Variants in MEX3C observed in about 807,000 individuals in gnomAD.
MEX3C encodes RNA-binding E3 ubiquitin-protein ligase MEX3C.
In MEX3C, 15 loss-of-function variants were observed where a neutral mutation model predicts 35.5. That is an observed-to-expected ratio of 0.42 (90% CI 0.28 to 0.65). The LOEUF is 0.65. MEX3C is among the 30% of genes least tolerant of loss of function. MEX3C has a pLI of 0.20. For synonymous variants in MEX3C, 390 were observed against 352.8 expected (o/e 1.11, Z -1.18); for missense variants, 711 against 842.8 (o/e 0.84, Z 1.94).
At chr18:51,182,948 C>A (rs1206776764) in intron 1 of MEX3C, among the ~76,000 whole-genome samples, 1 of 152,182 alleles carries the variant, frequency 6.6e-6, no homozygotes, top group Non-Finnish European at 1.5e-5. Context: ...ACAACATCAC[C>A]TTTAAGGCCA....
intron 1 of MEX3C, among the ~76,000 whole-genome samples, chr18:51,178,796 G>T (rs1424025029): frequency 6.6e-6 from 1 of 150,564 alleles, no homozygotes; most frequent in Non-Finnish European, 1.5e-5. Context: ...GGGGACAGAG[G>T]TTGCAGTGAG....
At position 51,197,536 on chromosome 18, in the gene MEX3C, A is replaced by G. The variant is rs1912849896; in HGVS notation, c.-216T>C. Among the ~76,000 whole-genome samples, 1 of 134,956 alleles carries G rather than the reference A, an allele frequency of 7.4e-6. No homozygotes were observed. The highest frequency in any genetic ancestry group is 2.8e-5 in the African/African-American group (1 of 35,978). 88.5% of individuals were successfully genotyped at this position (134,956 alleles called of 152,430 possible). ...GCAGGGGAAGGAGGCAGAGGTAGGT[A>G]ACTAGGTGGGTGGGTGGGGACGGCG... is the stretch of plus-strand genomic sequence containing the variant. On this transcript the variant is annotated 5_prime_UTR_variant, in exon 1 of 2. Coordinates refer to ENST00000406189, the MANE Select transcript of MEX3C (RefSeq NM_016626.5).
rs1424031966 is a variant in MEX3C, at chr18:51,196,791, G to T, written c.530C>A (p.Ala177Glu). 1.3e-6 allele frequency: 2 copies of T among 1,524,820 alleles called. No homozygotes were observed. The highest frequency in any genetic ancestry group is 2.5e-5 in the East Asian group (1 of 39,550). 94.5% of individuals were successfully genotyped at this position (1,524,820 alleles called of 1,614,324 possible). ...LPAARFDARE[A>E]AAAAAAAGVL... ...CCCCGCCGCCGCCGCCGCGGCCGCCGCCTCCCGGGCATCGAACCTGGCGGC... is the reference window on the plus strand; with the variant it reads ...CCCCGCCGCCGCCGCCGCGGCCGCCTCCTCCCGGGCATCGAACCTGGCGGC... Residue 177 changes from alanine to glutamate, a missense_variant, in exon 1 of 2, where the codon GCG (alanine) becomes GAG (glutamate). Transcript: ENST00000406189.
At position 51,196,764 on chromosome 18, in the gene MEX3C, A is replaced by T. The variant is rs775761855; in HGVS notation, c.557T>A (p.Val186Glu). The change falls in exon 1 of 2, where the codon GTG becomes GAG. Residue 186 changes from valine (V) to glutamate (E), a missense_variant. Coordinates refer to ENST00000406189, the MANE Select transcript of MEX3C (RefSeq NM_016626.5). ...EAAAAAAAAG[V>E]LYGGDDAQGM... Reference sequence around the variant, plus strand: ...CTGGGCATCGTCCCCTCCGTACAGCACCCCCGCCGCCGCCGCCGCGGCCGC... The same window carrying T: ...CTGGGCATCGTCCCCTCCGTACAGCTCCCCCGCCGCCGCCGCCGCGGCCGC... The T allele has an allele frequency of 2.0e-6, 3 of 1,493,950 alleles. No homozygotes were observed. Among genetic ancestry groups the T allele is most frequent in the Non-Finnish European group, 8.9e-7 (1 of 1,120,926 alleles). The allele number at this position is 1,493,950 out of a possible 1,614,324, so 92.5% of individuals were successfully genotyped here.
rs1409392606 is a variant in MEX3C, at chr18:51,197,670, C to T, written c.-350G>A. Among the ~76,000 whole-genome samples the T allele has an allele frequency of 2.6e-5, 4 of 151,086 alleles. No homozygotes were observed. The East Asian group carries it at 7.9e-4, about 30-fold the overall frequency. On this transcript the variant is annotated 5_prime_UTR_variant, in exon 1 of 2. Transcript: ENST00000406189. ...CGGCGGCGGCGGCTACGCCCCACGC[C>T]GCTCTCCGAATGAAGCCGGCGCGCT...
intron 1 of MEX3C, among the ~76,000 whole-genome samples, chr18:51,183,941 C>A (rs1183256106): frequency 6.6e-6 from 1 of 152,110 alleles, no homozygotes; most frequent in African/African-American, 2.4e-5. Flanking sequence ...GTCATGGCTG[C>A]AGTGGGTTAT....
chr18:51,191,197 T>C (rs953075197), intron 1 of MEX3C, among the ~76,000 whole-genome samples: 16 of 152,168 alleles, frequency 1.1e-4, no homozygotes, highest in Non-Finnish European at 2.4e-4. Context: ...ATGGCTCTCC[T>C]TGTGGGCACA....
chr18:51,192,910 G>T (rs577794917), intron 1 of MEX3C: 68 of 152,244 alleles, frequency 4.5e-4, no homozygotes, highest in African/African-American at 1.6e-3. Flanking sequence ...CTGTGCTGTA[G>T]CATCATTCTG....
intron 1 of MEX3C, among the ~76,000 whole-genome samples, chr18:51,182,904 T>C (rs1912460517): frequency 6.6e-6 from 1 of 152,260 alleles, no homozygotes; most frequent in Non-Finnish European, 1.5e-5. Flanking sequence ...AATAAAATGT[T>C]CTTTTTCCTG....
chr18:51,184,156 G>A (rs1912485959), intron 1 of MEX3C, among the ~76,000 whole-genome samples: 1 of 152,146 alleles, frequency 6.6e-6, no homozygotes, highest in Admixed American at 6.5e-5. Context: ...GGAGCTGTGA[G>A]CTAGAAGGAA....
intron 1 of MEX3C, chr18:51,193,411 C>T (rs547140462): frequency 6.6e-6 from 1 of 152,238 alleles, no homozygotes; most frequent in East Asian, 1.9e-4. Context: ...GTATACAGTT[C>T]TATTTTAATT....
At chr18:51,178,582 AG>A (rs1912353490) in intron 1 of MEX3C, among the ~76,000 whole-genome samples, 1 of 152,124 alleles carries the variant, frequency 6.6e-6, no homozygotes, top group African/African-American at 2.4e-5. Context: ...AAAATAAAGA[AG>A]CTAGGTGCTG....
At chr18:51,189,942 T>G (rs970540096) in intron 1 of MEX3C, among the ~76,000 whole-genome samples, 3 of 152,166 alleles carry the variant, frequency 2.0e-5, no homozygotes, top group Non-Finnish European at 2.9e-5. Flanking sequence ...AAATGACATT[T>G]TTTGGCTTTA....
chr18:51,188,442 G>A (rs1474710127), intron 1 of MEX3C, among the ~76,000 whole-genome samples: 8 of 151,766 alleles, frequency 5.3e-5, no homozygotes, highest in African/African-American at 7.3e-5. Flanking sequence ...GTAAAACCCC[G>A]TCTCTACCAA....
At chr18:51,192,678 A>T (rs904620196) in intron 1 of MEX3C, among the ~76,000 whole-genome samples, 6 of 152,206 alleles carry the variant, frequency 3.9e-5, no homozygotes, top group African/African-American at 1.4e-4. Flanking sequence ...TTCAATACTG[A>T]AGTGGCAATG....
chr18:51,180,027 C>CT (rs35934567), intron 1 of MEX3C, among the ~76,000 whole-genome samples: 67,207 of 151,770 alleles, frequency 0.44, 15,464 homozygotes, highest in Middle Eastern at 0.58. Context: ...GAGAATTAGT[C>CT]TAAGGGTCTA....
intron 1 of MEX3C, among the ~76,000 whole-genome samples, chr18:51,180,995 G>A (rs1170608363): frequency 6.6e-6 from 1 of 152,126 alleles, no homozygotes; most frequent in African/African-American, 2.4e-5. Context: ...GGGACTACTC[G>A]AATAGATACT....
At chr18:51,181,585 A>G (rs1161450444) in intron 1 of MEX3C, among the ~76,000 whole-genome samples, 1 of 152,264 alleles carries the variant, frequency 6.6e-6, no homozygotes, top group Non-Finnish European at 1.5e-5. Flanking sequence ...TATCACAGTT[A>G]TAAGCCCATA....
chr18:51,177,141 T>C lies in MEX3C; in HGVS notation c.1190A>G (p.Asn397Ser). 1 of 1,613,938 alleles carries C rather than the reference T, an allele frequency of 6.2e-7. No individual in the cohort carries two copies. Among genetic ancestry groups the C allele is most frequent in the Non-Finnish European group, 8.5e-7 (1 of 1,179,890 alleles). ...IEMHIAMRTG[N>S]YIELNEENDF... ...ATTCTCTTCATTGAGCTCTATATAGTTTCCTGTACGCATGGCAATATGCAT... is the reference window on the plus strand; with the variant it reads ...ATTCTCTTCATTGAGCTCTATATAGCTTCCTGTACGCATGGCAATATGCAT... Residue 397 changes from asparagine (N) to serine (S), a missense_variant, in exon 2 of 2, where the codon AAC becomes AGC. By Grantham distance (46) the Asn-to-Ser change is conservative. This residue lies in a region of MEX3C where 187 missense variants were observed against 201.7 expected (regional missense o/e 0.93). Transcript: ENST00000406189. The surrounding 1 kb of genome is among the most constrained non-coding windows in gnomAD (Gnocchi z 4.2).
Sources: gnomAD v4.1 joint callset for allele counts (sites outside exome capture counted in the v4.1 genomes callset) on GRCh38, gnomAD v4.1.1 for gene constraint, gnomAD v4.1.1 regional missense constraint, Gnocchi (gnomAD v3.1) non-coding constraint, MANE v1.5 for transcripts, NCBI Gene and HGNC (gene_info 2026-07-23, HGNC 2026-07-21) for gene names.